ACTR3C: variants seen among roughly 807,000 people sequenced by gnomAD.
The protein encoded by ACTR3C is actin-related protein 3C.
A neutral mutation model predicts 26.3 loss-of-function variants in ACTR3C; 18 were observed. The observed-to-expected ratio is 0.68, with a 90% CI of 0.47 to 1.01. ACTR3C has a LOEUF of 1.01. Among genes scored for constraint, ACTR3C ranks in the 50% least tolerant of loss-of-function variants. The pLI, the probability that ACTR3C is intolerant of heterozygous loss-of-function variation, is 0.00. For synonymous variants in ACTR3C, 55 were observed against 94.5 expected (o/e 0.58, Z 2.42); for missense variants, 184 against 250.7 (o/e 0.73, Z 1.80).
the ACTR3C span, among the ~76,000 whole-genome samples, chr7:150,179,517 T>G: frequency 1.3e-3 from 199 of 149,852 alleles, 3 homozygotes; most frequent in East Asian, 0.029. Context: ...TTTATTTTTA[T>G]TGTTTTAGAG....
chr7:150,243,967 C>T (rs933993894), downstream of ACTR3C: 17 of 151,724 alleles, frequency 1.1e-4, no homozygotes, highest in African/African-American at 3.9e-4. Context: ...GACACCAGAA[C>T]CTGGTGCCTA....
the ACTR3C span, among the ~76,000 whole-genome samples, chr7:150,004,152 T>G: frequency 7.4e-6 from 1 of 135,220 alleles, no homozygotes; most frequent in East Asian, 2.1e-4. Context: ...GTGTATTTGG[T>G]GTGTGTGTGG....
At chr7:149,988,362 A>G in the ACTR3C span, among the ~76,000 whole-genome samples, 1 of 152,152 alleles carries the variant, frequency 6.6e-6, no homozygotes, top group Non-Finnish European at 1.5e-5. Context: ...TGCTTGTCCC[A>G]GTGTTAGGGA....
the ACTR3C span, among the ~76,000 whole-genome samples, chr7:150,071,158 C>G: frequency 2.0e-5 from 3 of 151,764 alleles, no homozygotes; most frequent in Admixed American, 6.6e-5. Context: ...GAGTCTCGCT[C>G]TGTCACCCAG....
At chr7:150,027,880 C>T in the ACTR3C span, among the ~76,000 whole-genome samples, 1 of 151,966 alleles carries the variant, frequency 6.6e-6, no homozygotes, top group Admixed American at 6.6e-5. Context: ...TGAACATTCT[C>T]GAAAATTATA....
the ACTR3C span, among the ~76,000 whole-genome samples, chr7:150,049,406 A>T: frequency 6.6e-6 from 1 of 152,172 alleles, no homozygotes; most frequent in East Asian, 1.9e-4. Context: ...AGAGGGGGGA[A>T]CCTGTGAGAC....
At chr7:150,039,921 A>G in the ACTR3C span, among the ~76,000 whole-genome samples, 582 of 111,330 alleles carry the variant, frequency 5.2e-3, 15 homozygotes, top group East Asian at 0.02. Flanking sequence ...CCCTGCGATG[A>G]GGGTGCAAAG....
the ACTR3C span, among the ~76,000 whole-genome samples, chr7:150,180,187 C>A: frequency 6.7e-6 from 1 of 149,950 alleles, no homozygotes; most frequent in Admixed American, 6.6e-5. Flanking sequence ...CACCTGTAGT[C>A]CCAGCTACTC....
the ACTR3C span, among the ~76,000 whole-genome samples, chr7:149,900,821 TGAG>T: frequency 1.3e-5 from 2 of 151,956 alleles, no homozygotes; most frequent in African/African-American, 4.8e-5. Flanking sequence ...GTGGATCACT[TGAG>T]GAGTTTGAGA....
At chr7:150,167,713 T>C in the ACTR3C span, among the ~76,000 whole-genome samples, 1 of 150,462 alleles carries the variant, frequency 6.6e-6, no homozygotes, top group South Asian at 2.1e-4. Context: ...TAGAGCAGGA[T>C]GGTGTGTGCA....
At chr7:150,077,756 T>C in the ACTR3C span, among the ~76,000 whole-genome samples, 12 of 152,238 alleles carry the variant, frequency 7.9e-5, no homozygotes, top group Non-Finnish European at 1.5e-4. Flanking sequence ...CGGTTCTCCC[T>C]GCTCTTTGAT....
At chr7:150,160,907 A>G in the ACTR3C span, among the ~76,000 whole-genome samples, 3 of 146,048 alleles carry the variant, frequency 2.1e-5, no homozygotes, top group Non-Finnish European at 4.5e-5. Flanking sequence ...AAGGCAGAGA[A>G]ATTACCTCTG....
At chr7:150,037,390 T>A in the ACTR3C span, among the ~76,000 whole-genome samples, 6 of 50,868 alleles carry the variant, frequency 1.2e-4, no homozygotes, top group Admixed American at 6.2e-4. Flanking sequence ...CTCCCCCCTC[T>A]GCGATGGGGG....
At chr7:150,056,686 T>C in the ACTR3C span, among the ~76,000 whole-genome samples, 2 of 150,406 alleles carry the variant, frequency 1.3e-5, no homozygotes, top group East Asian at 2.0e-4. Context: ...TGGGTCCTGT[T>C]TGTGCCCCGA....
chr7:149,952,994 T>C, the ACTR3C span, among the ~76,000 whole-genome samples: 1 of 152,116 alleles, frequency 6.6e-6, no homozygotes, highest in South Asian at 2.1e-4. Context: ...TTAATGAATG[T>C]ACAAAGATAT....
At chr7:149,893,042 C>T in the ACTR3C span, among the ~76,000 whole-genome samples, 1 of 152,152 alleles carries the variant, frequency 6.6e-6, no homozygotes, top group African/African-American at 2.4e-5. Context: ...TGGGAATATA[C>T]TTAGCAGTAA....
the ACTR3C span, among the ~76,000 whole-genome samples, chr7:150,049,687 G>C: frequency 6.6e-6 from 1 of 152,100 alleles, no homozygotes; most frequent in Non-Finnish European, 1.5e-5. Context: ...ACTGGATGCC[G>C]GTGAACAAGT....
At chr7:150,003,288 G>T in the ACTR3C span, among the ~76,000 whole-genome samples, 1 of 152,296 alleles carries the variant, frequency 6.6e-6, no homozygotes, top group Non-Finnish European at 1.5e-5. Context: ...TATGGTATGT[G>T]GGATGTGTTG....
chr7:150,163,771 C>T, the ACTR3C span, among the ~76,000 whole-genome samples: 1 of 151,824 alleles, frequency 6.6e-6, no homozygotes, highest in Non-Finnish European at 1.5e-5. Flanking sequence ...GGCAGGTGGG[C>T]AGGGGCAGAA....
Sources: gnomAD v4.1 joint callset for allele counts (sites outside exome capture counted in the v4.1 genomes callset) on GRCh38, gnomAD v4.1.1 for gene constraint, MANE v1.5 for transcripts, NCBI Gene and HGNC (gene_info 2026-07-23, HGNC 2026-07-21) for gene names.